The following MDGA2 variants were observed in gnomAD, a reference collection of about 807,000 sequenced individuals.
MDGA2 encodes MAM domain-containing glycosylphosphatidylinositol anchor protein 2.
Under a neutral mutation model 117.8 loss-of-function variants are expected in MDGA2, and 40 were observed. The observed-to-expected ratio is 0.34, with a 90% CI of 0.26 to 0.44. MDGA2 has a LOEUF of 0.44. Among genes scored for constraint, MDGA2 ranks in the 20% least tolerant of loss-of-function variants. The pLI, the probability that MDGA2 is intolerant of heterozygous loss-of-function variation, is 1.00. For missense variants in MDGA2, 1,123 were observed against 1,250.6 expected, an observed-to-expected ratio of 0.90 and a Z score of 1.54; for synonymous variants, 452 against 439.0, an observed-to-expected ratio of 1.03 and a Z score of -0.37.
intron 8 of MDGA2, among the ~76,000 whole-genome samples, chr14:47,018,857 G>A (rs1381972860): frequency 6.8e-6 from 1 of 146,394 alleles, no homozygotes. Flanking sequence ...GAACTCAAAT[G>A]TAAAAACACA....
At chr14:47,003,815 A>G (rs1171167638) in intron 8 of MDGA2, among the ~76,000 whole-genome samples, 1 of 151,838 alleles carries the variant, frequency 6.6e-6, no homozygotes, top group Non-Finnish European at 1.5e-5. Context: ...TCTTTTGTGG[A>G]TTGCATTTTG....
chr14:46,988,662 CCT>C (rs1459827573), intron 8 of MDGA2, among the ~76,000 whole-genome samples: 9 of 151,730 alleles, frequency 5.9e-5, no homozygotes, highest in African/African-American at 2.2e-4. Flanking sequence ...GTGAGGATGC[CCT>C]GTGTGAGCTG....
intron 3 of MDGA2, among the ~76,000 whole-genome samples, chr14:47,165,111 G>C (rs919674870): frequency 1.3e-5 from 2 of 152,076 alleles, no homozygotes; most frequent in Non-Finnish European, 2.9e-5. Context: ...TGGGGTGGGG[G>C]CAGGGGGTAG....
intron 3 of MDGA2, among the ~76,000 whole-genome samples, chr14:47,169,290 C>A: frequency 6.6e-6 from 1 of 151,624 alleles, no homozygotes; most frequent in East Asian, 1.9e-4. Context: ...TCTTTCATTT[C>A]TTGTTGTTAA....
intron 4 of MDGA2, among the ~76,000 whole-genome samples, chr14:47,132,457 T>G (rs932465709): frequency 1.3e-5 from 2 of 151,926 alleles, no homozygotes; most frequent in African/African-American, 4.8e-5. Context: ...TGTTATTTCA[T>G]GTTCAAGAGT....
At chr14:46,928,232 A>C (rs2138535983) in intron 9 of MDGA2, among the ~76,000 whole-genome samples, 1 of 152,270 alleles carries the variant, frequency 6.6e-6, no homozygotes, top group Admixed American at 6.5e-5. Flanking sequence ...ATTTTAAAAA[A>C]ATTCAGTCAC....
chr14:47,494,878 A>T lies in MDGA2; in HGVS notation c.280+179639T>A, dbSNP rs951150703. On this transcript the variant is annotated intron_variant, in intron 1 of 16. Coordinates refer to ENST00000399232, the MANE Select transcript of MDGA2 (RefSeq NM_001113498.3). ...GTTGACTGAATTTTAAAATGTGATT[A>T]TATATATATATATATGTAAAATATA... Among the ~76,000 whole-genome samples, 46 of 131,288 alleles carry T rather than the reference A, an allele frequency of 3.5e-4. 1 individual carries two copies. The highest frequency in any genetic ancestry group is 1.7e-3 in the African/African-American group (42 of 25,406). 86.1% of individuals were successfully genotyped at this position (131,288 alleles called of 152,430 possible).
chr14:47,269,681 C>T (rs1486297918), intron 2 of MDGA2, among the ~76,000 whole-genome samples: 1 of 152,136 alleles, frequency 6.6e-6, no homozygotes, highest in Non-Finnish European at 1.5e-5. Flanking sequence ...GTTCTAGGCT[C>T]TTACTCAGAG....
chr14:46,856,936 T>C (rs1190823403), intron 14 of MDGA2, among the ~76,000 whole-genome samples: 1 of 152,162 alleles, frequency 6.6e-6, no homozygotes, highest in South Asian at 2.1e-4. Flanking sequence ...TCTTCATATC[T>C]ACAAGTCATA....
chr14:47,576,065 C>G (rs1896110647), intron 1 of MDGA2, among the ~76,000 whole-genome samples: 1 of 152,072 alleles, frequency 6.6e-6, no homozygotes, highest in South Asian at 2.1e-4. Flanking sequence ...TTCCTAGAAG[C>G]TGAAGTACAA....
chr14:47,381,273 T>C (rs1384735356), intron 1 of MDGA2, among the ~76,000 whole-genome samples: 1 of 152,112 alleles, frequency 6.6e-6, no homozygotes, highest in Admixed American at 6.5e-5. Context: ...GGGCAAAAAC[T>C]GGAAGCATTC....
At chr14:46,954,476 C>A (rs1029235437) in intron 9 of MDGA2, among the ~76,000 whole-genome samples, 2 of 152,036 alleles carry the variant, frequency 1.3e-5, no homozygotes, top group African/African-American at 4.8e-5. Context: ...AAACCAAGGT[C>A]TTGGCAGGAC....
chr14:47,501,427 A>C (rs1894397308), intron 1 of MDGA2, among the ~76,000 whole-genome samples: 1 of 152,166 alleles, frequency 6.6e-6, no homozygotes, highest in Non-Finnish European at 1.5e-5. Context: ...CTGAATAAGA[A>C]CTGGTATTAG....
chr14:47,584,193 C>T (rs1896279245), intron 1 of MDGA2, among the ~76,000 whole-genome samples: 1 of 151,836 alleles, frequency 6.6e-6, no homozygotes, highest in South Asian at 2.1e-4. Flanking sequence ...CAAGCATTTA[C>T]TATGTACCTT....
At chr14:47,347,330 G>T (rs1208919179) in intron 1 of MDGA2, among the ~76,000 whole-genome samples, 1 of 152,178 alleles carries the variant, frequency 6.6e-6, no homozygotes, top group Non-Finnish European at 1.5e-5. Context: ...GCCCGTATTT[G>T]AGAGTGGTAT....
intron 1 of MDGA2, among the ~76,000 whole-genome samples, chr14:47,615,830 T>C (rs1410438456): frequency 6.6e-6 from 1 of 150,998 alleles, no homozygotes; most frequent in East Asian, 1.9e-4. Flanking sequence ...TGTGAGCAAA[T>C]GGGATGCCTG....
At chr14:47,558,100 G>A (rs567243290) in intron 1 of MDGA2, among the ~76,000 whole-genome samples, 10 of 152,140 alleles carry the variant, frequency 6.6e-5, no homozygotes, top group Non-Finnish European at 1.5e-4. Flanking sequence ...GGGGAGTGTG[G>A]CAGGAAGAAG....
At chr14:46,992,842 G>T (rs1887142967) in intron 8 of MDGA2, among the ~76,000 whole-genome samples, 1 of 152,148 alleles carries the variant, frequency 6.6e-6, no homozygotes, top group South Asian at 2.1e-4. Context: ...TGTCTCCCCT[G>T]ATGATTCCTG....
At chr14:47,100,214 G>A (rs1470882145) in intron 5 of MDGA2, among the ~76,000 whole-genome samples, 1 of 151,858 alleles carries the variant, frequency 6.6e-6, no homozygotes, top group African/African-American at 2.4e-5. Flanking sequence ...ATTTTCCCAG[G>A]ACCTTTAAAA....
Sources: gnomAD v4.1 joint callset for allele counts (sites outside exome capture counted in the v4.1 genomes callset) on GRCh38, gnomAD v4.1.1 for gene constraint, MANE v1.5 for transcripts, NCBI Gene and HGNC (gene_info 2026-07-23, HGNC 2026-07-21) for gene names.